Variants in FBN2 observed in about 807,000 individuals in gnomAD.
The protein encoded by FBN2 is fibrillin 2, also known as fibrillin-2.
FBN2 carries 105 observed loss-of-function variants against 355.6 expected under a neutral mutation model. The observed-to-expected ratio is 0.30, with a 90% confidence interval of 0.25 to 0.35. The LOEUF (loss-of-function observed/expected upper bound fraction) is 0.35, where lower values mean the gene tolerates loss of function less well. FBN2 is among the 10% of genes least tolerant of loss of function. The pLI is 1.00. For missense variants in FBN2, 3,280 were observed against 3,758.7 expected, an observed-to-expected ratio of 0.87 and a Z score of 3.33; for synonymous variants, 1,350 against 1,301.2, an observed-to-expected ratio of 1.04 and a Z score of -0.81.
chr5:128,422,013 C>G (rs1014940006), intron 7 of FBN2, among the ~76,000 whole-genome samples: 1 of 152,138 alleles, frequency 6.6e-6, no homozygotes, highest in Non-Finnish European at 1.5e-5. Flanking sequence ...TTTGAAGATG[C>G]TACACTACTG....
intron 48 of FBN2, among the ~76,000 whole-genome samples, chr5:128,296,718 T>C (rs1417993310): frequency 6.6e-6 from 1 of 152,232 alleles, no homozygotes; most frequent in African/African-American, 2.4e-5. Context: ...TCTATTTGAT[T>C]CTTCTCTCTT....
chr5:128,272,059 C>T lies in FBN2; in HGVS notation c.7900G>A (p.Gly2634Ser). The T allele has an allele frequency of 3.7e-6, 6 of 1,613,958 alleles. No homozygotes were observed. Among genetic ancestry groups the T allele is most frequent in the Non-Finnish European group, 5.1e-6 (6 of 1,179,886 alleles). The change falls in exon 62 of 65, where the codon GGC becomes AGC. Residue 2634 changes from glycine to serine, a missense_variant. This residue lies in a region of FBN2 where 2,284 missense variants were observed against 2,749.5 expected (regional missense o/e 0.83). Coordinates refer to ENST00000262464, the MANE Select transcript of FBN2 (RefSeq NM_001999.4). The stretch of plus-strand genomic sequence containing the variant: ...CCTTGGGGGCAGCCACATCTGTAGC[C>T]ACCCAGGATGTTCTGGCAGCCGTGT... ...CQHGCQNILG[G>S]YRCGCPQGYI... is the part of the protein sequence containing the mutation.
At position 128,319,942 on chromosome 5, in the gene FBN2, T is replaced by C. The variant is rs372107362; in HGVS notation, c.4472-941A>G. Among the ~76,000 whole-genome samples, 2 of 152,196 alleles carry C rather than the reference T, an allele frequency of 1.3e-5. 1 individual carries two copies. The highest frequency in any genetic ancestry group is 4.1e-4 in the South Asian group (2 of 4,830). On this transcript the variant is annotated intron_variant, in intron 34 of 64. Coordinates refer to ENST00000262464, the MANE Select transcript of FBN2 (RefSeq NM_001999.4). ...TTTTAGGCTAGACTAGACAAATCAT[T>C]CTAAACTGCTGTCCTCAGACAGTTA...
At chr5:128,304,193 G>T (rs1749800583) in intron 45 of FBN2, among the ~76,000 whole-genome samples, 2 of 152,170 alleles carry the variant, frequency 1.3e-5, no homozygotes, top group South Asian at 4.1e-4. Context: ...ATTACAAGTA[G>T]CCAAGTTTTA....
At chr5:128,499,461 A>G (rs1295826321) in intron 5 of FBN2, among the ~76,000 whole-genome samples, 1 of 152,158 alleles carries the variant, frequency 6.6e-6, no homozygotes, top group Non-Finnish European at 1.5e-5. Flanking sequence ...CATGGGTCCT[A>G]TGGCTCCAGA....
At chr5:128,273,738 C>G (rs1765319648) in intron 61 of FBN2, 102 bp downstream of exon 61, 5 of 1,234,806 alleles carry the variant, frequency 4.0e-6, no homozygotes, top group Non-Finnish European at 5.9e-6. Flanking sequence ...TTGTTCAATA[C>G]TTTTTTTTCT....
chr5:128,526,957 C>T (rs550763188), intron 4 of FBN2, among the ~76,000 whole-genome samples: 1 of 151,972 alleles, frequency 6.6e-6, no homozygotes, highest in Non-Finnish European at 1.5e-5. Flanking sequence ...TAACTGAAAA[C>T]AAGCTAGATA....
chr5:128,415,674 C>CA (rs755478238), intron 7 of FBN2, among the ~76,000 whole-genome samples: 10 of 152,112 alleles, frequency 6.6e-5, no homozygotes, highest in Non-Finnish European at 1.5e-4. Flanking sequence ...CATGAGGGTG[C>CA]AGGTGTCCCT....
chr5:128,287,159 T>C (rs1749177785), intron 54 of FBN2, 149 bp downstream of exon 54: 9 of 976,372 alleles, frequency 9.2e-6, no homozygotes, highest in South Asian at 6.8e-5. Flanking sequence ...TGTCTTGTTA[T>C]CTAGGTATGG....
intron 59 of FBN2, among the ~76,000 whole-genome samples, chr5:128,275,428 C>A (rs994922540): frequency 7.1e-6 from 1 of 141,678 alleles, no homozygotes; most frequent in Admixed American, 7.4e-5. Flanking sequence ...CAGGTCCAAG[C>A]GGTGCTTGCT....
In FBN2 at chr5:128,395,205, A is replaced by T; in HGVS notation, c.1148T>A (p.Met383Lys). The T allele has an allele frequency of 6.2e-7, 1 of 1,614,070 alleles. No homozygotes were observed. Among genetic ancestry groups the T allele is most frequent in the Non-Finnish European group, 8.5e-7 (1 of 1,180,002 alleles). ...GRCAQELPGR[M>K]TKMQCCCEPG... Reference sequence around the variant, plus strand: ...CTCACAGCAGCACTGCATTTTCGTCATTCTCCCCGGGAGCTCTTGTGCACA... The same window carrying T: ...CTCACAGCAGCACTGCATTTTCGTCTTTCTCCCCGGGAGCTCTTGTGCACA... The change falls in exon 9 of 65, where the codon ATG becomes AAG. Residue 383 changes from methionine to lysine, a missense_variant. Physicochemically the swap from Met to Lys is moderately conservative, Grantham distance 95. Around this residue, in one of 6 missense-constraint regions of FBN2, gnomAD observed 343 missense variants for 331.0 expected, o/e 1.04. Coordinates refer to ENST00000262464, the MANE Select transcript of FBN2 (RefSeq NM_001999.4).
intron 32 of FBN2, among the ~76,000 whole-genome samples, chr5:128,332,186 T>C (rs957818626): frequency 6.6e-6 from 1 of 152,204 alleles, no homozygotes; most frequent in African/African-American, 2.4e-5. Flanking sequence ...TGAGGGCCTA[T>C]ATATTTTTTG....
chr5:128,526,219 T>G (rs551519857), intron 4 of FBN2, among the ~76,000 whole-genome samples: 36 of 152,200 alleles, frequency 2.4e-4, no homozygotes, highest in Middle Eastern at 3.4e-3. Context: ...ATTAGCATGA[T>G]TATTATTATT....
chr5:128,318,816 T>G (rs1249082917), intron 35 of FBN2, 63 bp downstream of exon 35: 1 of 1,553,306 alleles, frequency 6.4e-7, no homozygotes, highest in Non-Finnish European at 8.8e-7. Context: ...GGAATTTTTA[T>G]GCTTAGCACA....
rs1754150391 is a variant in FBN2, at chr5:128,449,009, G to A, written c.827-2403C>T. On this transcript the variant is annotated intron_variant, in intron 6 of 64. Transcript: ENST00000262464. ...TTTTGGACTTTAAATGTAAAAGGAA[G>A]CTCTTCAGGTAAAATAAAAGTGAGA... Among the ~76,000 whole-genome samples the A allele has an allele frequency of 2.6e-5, 4 of 151,922 alleles. No homozygotes were observed. The South Asian group carries it at 8.3e-4, about 31-fold the overall frequency.
intron 64 of FBN2, among the ~76,000 whole-genome samples, chr5:128,260,472 A>G (rs1764936917): frequency 1.3e-5 from 2 of 152,204 alleles, no homozygotes; most frequent in African/African-American, 4.8e-5. Context: ...GCACAAATAT[A>G]TCAAAGTAAG....
intron 48 of FBN2, among the ~76,000 whole-genome samples, chr5:128,296,871 T>A (rs1384462529): frequency 6.6e-6 from 1 of 151,700 alleles, no homozygotes; most frequent in Non-Finnish European, 1.5e-5. Flanking sequence ...ATTTCTTGCC[T>A]TCTGCTAGCT....
In FBN2 at chr5:128,276,038, C is replaced by T. The variant is rs1233299592; in HGVS notation, c.7594G>A (p.Asp2532Asn). ...VLQEDGKTCKDLDECQTKQHN... is the reference protein window; with the variant it reads ...VLQEDGKTCKNLDECQTKQHN... The stretch of plus-strand genomic sequence containing the variant: ...CGATTGTCAGAGACTCTTCACTCAC[C>T]TTTGCATGTCTTTCCATCCTCTTGC... Residue 2532 changes from aspartate (D) to asparagine (N), a missense_variant and splice_region_variant, in exon 59 of 65, where the codon GAC becomes AAC. Around this residue, in one of 6 missense-constraint regions of FBN2, gnomAD observed 2,284 missense variants for 2,749.5 expected, o/e 0.83. Transcript: ENST00000262464. 3 of 1,613,670 alleles carry T rather than the reference C, an allele frequency of 1.9e-6. No homozygotes were observed. Among genetic ancestry groups the T allele is most frequent in the Admixed American group, 3.3e-5 (2 of 59,998 alleles).
chr5:128,522,832 C>T (rs1051114101), intron 4 of FBN2, among the ~76,000 whole-genome samples: 1 of 152,110 alleles, frequency 6.6e-6, no homozygotes, highest in Non-Finnish European at 1.5e-5. Flanking sequence ...ATTTCCACCA[C>T]AGAAGGAACG....
Sources: gnomAD v4.1 joint callset for allele counts (sites outside exome capture counted in the v4.1 genomes callset) on GRCh38, gnomAD v4.1.1 for gene constraint, gnomAD v4.1.1 regional missense constraint, MANE v1.5 for transcripts, NCBI Gene and HGNC (gene_info 2026-07-23, HGNC 2026-07-21) for gene names.